ANKS1B: variants seen among roughly 807,000 people sequenced by gnomAD.
ANKS1B encodes the protein ankyrin repeat and sterile alpha motif domain-containing protein 1B.
In ANKS1B, 36 loss-of-function variants were observed where a neutral mutation model predicts 148.3. The ratio of observed to expected loss-of-function variants is 0.24; its 90% CI spans 0.19 to 0.32. ANKS1B has a LOEUF of 0.32. ANKS1B is among the 10% of genes least tolerant of loss of function. ANKS1B has a pLI of 1.00. For synonymous variants in ANKS1B, 542 were observed against 560.8 expected (o/e 0.97, Z 0.47); for missense variants, 1,157 against 1,542.6 (o/e 0.75, Z 4.19).
intron 12 of ANKS1B, among the ~76,000 whole-genome samples, chr12:99,349,223 G>A (rs1054321122): frequency 6.6e-6 from 1 of 151,624 alleles, no homozygotes; most frequent in Non-Finnish European, 1.5e-5. Flanking sequence ...GATTACAAAA[G>A]GAAATTAAAT....
At chr12:98,793,430 A>G (rs2098911552) in intron 22 of ANKS1B, among the ~76,000 whole-genome samples, 1 of 152,202 alleles carries the variant, frequency 6.6e-6, no homozygotes, top group Non-Finnish European at 1.5e-5. Flanking sequence ...TGGACTGGGA[A>G]AGAATTTTTT....
chr12:99,718,375 C>T (rs967520766), intron 8 of ANKS1B, among the ~76,000 whole-genome samples: 5 of 152,096 alleles, frequency 3.3e-5, no homozygotes, highest in Admixed American at 6.5e-5. Flanking sequence ...TCTTGTATCC[C>T]CCCACCTTAA....
chr12:99,633,937 T>C (rs1207268203), intron 9 of ANKS1B, among the ~76,000 whole-genome samples: 1 of 152,160 alleles, frequency 6.6e-6, no homozygotes, highest in Non-Finnish European at 1.5e-5. Context: ...GTATCTTGAA[T>C]GTAGGTAGCT....
chr12:99,822,509 T>C (rs1259940064), intron 2 of ANKS1B, among the ~76,000 whole-genome samples: 1 of 152,208 alleles, frequency 6.6e-6, no homozygotes, highest in African/African-American at 2.4e-5. Flanking sequence ...GTAGCCAGTA[T>C]TAAGTTCCCA....
chr12:99,874,022 C>T lies in ANKS1B; in HGVS notation c.135-48633G>A, dbSNP rs571373490. Among the ~76,000 whole-genome samples, 36 of 137,892 alleles carry T rather than the reference C, an allele frequency of 2.6e-4. 1 individual carries two copies. The highest frequency in any genetic ancestry group is 1.1e-3 in the African/African-American group (34 of 31,526). The allele number at this position is 137,892 out of a possible 152,430, so 90.5% of individuals were successfully genotyped here. A position where few individuals can be genotyped will look rare whatever the true frequency, so the allele number is the denominator to read the frequency against. ...TAAATCTCTCTCTCTCTCTCTCTCA[C>T]ATATATATATATATATATCCTGTTG... On this transcript the variant is annotated intron_variant, in intron 1 of 26. Coordinates refer to ENST00000683438, the MANE Select transcript of ANKS1B (RefSeq NM_001352186.2).
At chr12:99,189,138 C>T (rs1461047628) in intron 14 of ANKS1B, among the ~76,000 whole-genome samples, 3 of 152,114 alleles carry the variant, frequency 2.0e-5, no homozygotes, top group Non-Finnish European at 4.4e-5. Context: ...CAAGCCTAAA[C>T]CAGGAAGAAG....
chr12:98,994,124 G>A (rs2099928192), intron 17 of ANKS1B, among the ~76,000 whole-genome samples: 3 of 152,144 alleles, frequency 2.0e-5, no homozygotes, highest in South Asian at 2.1e-4. Flanking sequence ...CCACAGCGTC[G>A]TATGATACAA....
chr12:99,321,488 A>G (rs1383518183), intron 12 of ANKS1B, among the ~76,000 whole-genome samples: 3 of 152,210 alleles, frequency 2.0e-5, no homozygotes, highest in African/African-American at 7.2e-5. Flanking sequence ...CTCCATGGGC[A>G]TGGGACCCTC....
At chr12:99,251,679 ATATAT>A (rs2074615767) in intron 12 of ANKS1B, among the ~76,000 whole-genome samples, 1 of 152,212 alleles carries the variant, frequency 6.6e-6, no homozygotes. Context: ...TTTATCACCT[ATATAT>A]CACCTGATTA....
At chr12:99,125,835 C>G (rs2064175025) in intron 15 of ANKS1B, among the ~76,000 whole-genome samples, 1 of 151,794 alleles carries the variant, frequency 6.6e-6, no homozygotes, top group African/African-American at 2.4e-5. Flanking sequence ...AAATTAAGGT[C>G]TGATAAATAC....
At chr12:99,614,194 G>C (rs2153353120) in intron 9 of ANKS1B, among the ~76,000 whole-genome samples, 1 of 150,982 alleles carries the variant, frequency 6.6e-6, no homozygotes, top group East Asian at 1.9e-4. Flanking sequence ...CAGCACTTTG[G>C]GAGTCCAAGG....
intron 12 of ANKS1B, among the ~76,000 whole-genome samples, chr12:99,327,089 T>A (rs2086476737): frequency 7.7e-6 from 1 of 130,706 alleles, no homozygotes; most frequent in African/African-American, 2.9e-5. Flanking sequence ...AATGTTATAT[T>A]ATAATATATC....
At chr12:99,282,481 A>C (rs775312791) in intron 12 of ANKS1B, among the ~76,000 whole-genome samples, 10 of 152,028 alleles carry the variant, frequency 6.6e-5, no homozygotes, top group Non-Finnish European at 1.3e-4. Context: ...TCAAAAGACT[A>C]CTCTGGCTAC....
At chr12:99,297,681 C>A (rs372139454) in intron 12 of ANKS1B, among the ~76,000 whole-genome samples, 1 of 152,088 alleles carries the variant, frequency 6.6e-6, no homozygotes, top group African/African-American at 2.4e-5. Context: ...GTGGTCCTTA[C>A]GTGGCCTTCA....
At chr12:99,243,608 C>T (rs1285467415) in intron 14 of ANKS1B, among the ~76,000 whole-genome samples, 1 of 152,128 alleles carries the variant, frequency 6.6e-6, no homozygotes, top group Non-Finnish European at 1.5e-5. Flanking sequence ...TTCACAATAG[C>T]AAAGACTTGG....
At chr12:98,936,343 A>G (rs2099818616) in intron 17 of ANKS1B, among the ~76,000 whole-genome samples, 1 of 152,148 alleles carries the variant, frequency 6.6e-6, no homozygotes, top group Non-Finnish European at 1.5e-5. Flanking sequence ...AAAATGAACA[A>G]TTTGGCTGGG....
chr12:99,439,213 G>A (rs184337936), intron 11 of ANKS1B, among the ~76,000 whole-genome samples: 70 of 151,622 alleles, frequency 4.6e-4, no homozygotes, highest in Non-Finnish European at 8.0e-4. Context: ...AAACCAGAAC[G>A]AGAAAACTTC....
At chr12:99,084,864 G>T in intron 16 of ANKS1B, 61 bp downstream of exon 16, 5 of 1,322,466 alleles carry the variant, frequency 3.8e-6, no homozygotes, top group Non-Finnish European at 1.1e-6. Context: ...CTCCTTGCAT[G>T]CCTGGACTCA....
At chr12:99,170,297 C>T (rs890625422) in intron 14 of ANKS1B, among the ~76,000 whole-genome samples, 2 of 152,110 alleles carry the variant, frequency 1.3e-5, no homozygotes, top group Admixed American at 6.5e-5. Flanking sequence ...GTGTGGAGGT[C>T]GGTAGCCCAG....
Sources: allele counts gnomAD v4.1 joint callset (sites outside exome capture counted in the v4.1 genomes callset), GRCh38; gene constraint gnomAD v4.1.1; transcripts MANE v1.5; gene names NCBI Gene and HGNC (gene_info 2026-07-23, HGNC 2026-07-21).